SUGCT: variants seen among roughly 807,000 people sequenced by gnomAD.
The protein encoded by SUGCT is succinyl-CoA:glutarate-CoA transferase.
SUGCT carries 41 observed loss-of-function variants against 55.0 expected under a neutral mutation model. That is an observed-to-expected ratio of 0.74 (90% confidence interval 0.58 to 0.97). The LOEUF (loss-of-function observed/expected upper bound fraction) is 0.97, where lower values mean the gene tolerates loss of function less well. SUGCT is among the 50% of genes least tolerant of loss of function. The pLI is 0.00. For missense variants in SUGCT, 568 were observed against 547.8 expected (o/e 1.04, Z -0.37); for synonymous variants, 187 against 200.4 (o/e 0.93, Z 0.56).
At chr7:40,812,273 T>C (rs1382048905) in intron 13 of SUGCT, among the ~76,000 whole-genome samples, 3 of 152,122 alleles carry the variant, frequency 2.0e-5, no homozygotes, top group Non-Finnish European at 2.9e-5. Flanking sequence ...ATTGATTTTT[T>C]GGGGATAGTT....
chr7:40,407,436 A>G (rs541828112), intron 9 of SUGCT, among the ~76,000 whole-genome samples: 1 of 152,162 alleles, frequency 6.6e-6, no homozygotes, highest in East Asian at 1.9e-4. Flanking sequence ...AAAGTTGATG[A>G]AAATATAAAA....
intron 1 of SUGCT, among the ~76,000 whole-genome samples, chr7:40,158,277 TTTAC>T (rs1165894462): frequency 2.0e-5 from 3 of 152,190 alleles, no homozygotes; most frequent in Non-Finnish European, 4.4e-5. Flanking sequence ...TTTATACATA[TTTAC>T]TTCTTTGTAG....
chr7:40,214,711 C>T (rs548570621), intron 6 of SUGCT, among the ~76,000 whole-genome samples: 170 of 152,002 alleles, frequency 1.1e-3, no homozygotes, highest in African/African-American at 3.7e-3. Flanking sequence ...GTCAGGAGTT[C>T]GAGACCAGCC....
intron 13 of SUGCT, among the ~76,000 whole-genome samples, chr7:40,851,866 A>G (rs1482063408): frequency 5.3e-5 from 8 of 152,144 alleles, no homozygotes; most frequent in Admixed American, 4.6e-4. Context: ...TTTTGATGCA[A>G]TGTATTTTGG....
intron 10 of SUGCT, among the ~76,000 whole-genome samples, chr7:40,450,165 C>T (rs1180654721): frequency 2.6e-5 from 4 of 151,900 alleles, no homozygotes; most frequent in Admixed American, 2.0e-4. Context: ...TGACCTCAAG[C>T]GACCTGCCCA....
At chr7:40,812,327 T>C (rs1791463476) in intron 13 of SUGCT, among the ~76,000 whole-genome samples, 1 of 152,160 alleles carries the variant, frequency 6.6e-6, no homozygotes, top group African/African-American at 2.4e-5. Context: ...TCAGGTAGAA[T>C]TCAGCTGTGA....
At chr7:40,531,798 C>T (rs986316500) in intron 12 of SUGCT, among the ~76,000 whole-genome samples, 32 of 151,704 alleles carry the variant, frequency 2.1e-4, no homozygotes, top group African/African-American at 6.5e-4. Context: ...CTCAGCCTCC[C>T]GAGTAGCGGG....
intron 9 of SUGCT, among the ~76,000 whole-genome samples, chr7:40,436,281 A>G (rs1308671990): frequency 6.6e-6 from 1 of 151,748 alleles, no homozygotes; most frequent in Non-Finnish European, 1.5e-5. Context: ...CAAATTTTCC[A>G]TACTCTGGGA....
At chr7:40,484,530 C>A (rs1791228187) in intron 11 of SUGCT, among the ~76,000 whole-genome samples, 1 of 152,068 alleles carries the variant, frequency 6.6e-6, no homozygotes, top group South Asian at 2.1e-4. Context: ...TTGTTAATAT[C>A]TAATGAGTCT....
intron 13 of SUGCT, among the ~76,000 whole-genome samples, chr7:40,751,873 G>C (rs1233400404): frequency 6.6e-6 from 1 of 152,146 alleles, no homozygotes; most frequent in Non-Finnish European, 1.5e-5. Flanking sequence ...ACTCATTGGA[G>C]GTAACACTCT....
the SUGCT span, among the ~76,000 whole-genome samples, chr7:40,995,930 A>G: frequency 6.6e-6 from 1 of 152,186 alleles, no homozygotes; most frequent in Admixed American, 6.5e-5. Context: ...GCAAAGTCAT[A>G]AAATCACTTT....
chr7:40,252,916 G>A (rs1790530795), intron 7 of SUGCT, among the ~76,000 whole-genome samples: 1 of 152,162 alleles, frequency 6.6e-6, no homozygotes, highest in Admixed American at 6.5e-5. Flanking sequence ...TAAAGTGCTG[G>A]GATTACAGGT....
chr7:41,024,205 A>AT, the SUGCT span, among the ~76,000 whole-genome samples: 2 of 152,224 alleles, frequency 1.3e-5, no homozygotes, highest in South Asian at 4.1e-4. Flanking sequence ...GTTCCAAAGG[A>AT]TTAAAGGCAT....
At chr7:40,791,112 C>G (rs955157086) in intron 13 of SUGCT, among the ~76,000 whole-genome samples, 4 of 152,168 alleles carry the variant, frequency 2.6e-5, no homozygotes, top group African/African-American at 9.6e-5. Flanking sequence ...TAAACTTTCT[C>G]TATCAGACAT....
chr7:40,445,086 G>A (rs1260323742), intron 9 of SUGCT, among the ~76,000 whole-genome samples: 1 of 152,070 alleles, frequency 6.6e-6, no homozygotes, highest in Non-Finnish European at 1.5e-5. Context: ...ACTTGATCAT[G>A]GTGGATAAGC....
chr7:40,394,973 G>T (rs558097713), intron 9 of SUGCT, among the ~76,000 whole-genome samples: 1 of 152,272 alleles, frequency 6.6e-6, no homozygotes, highest in African/African-American at 2.4e-5. Context: ...AATAATGTAA[G>T]AAAGCTTTTA....
intron 12 of SUGCT, chr7:40,684,149 C>G: frequency 6.3e-7 from 1 of 1,582,400 alleles, no homozygotes; most frequent in Non-Finnish European, 8.6e-7. Flanking sequence ...TTGAGCCCTT[C>G]TCTTACTACA....
intron 12 of SUGCT, among the ~76,000 whole-genome samples, chr7:40,724,263 A>G (rs990045955): frequency 6.6e-6 from 1 of 152,140 alleles, no homozygotes. Context: ...ATCTGACCCT[A>G]TTTGTGTCTA....
At chr7:40,838,981 C>T (rs181769554) in intron 13 of SUGCT, among the ~76,000 whole-genome samples, 2 of 144,502 alleles carry the variant, frequency 1.4e-5, no homozygotes, top group Admixed American at 7.0e-5. Context: ...TGTTGTATTA[C>T]ATCTAATACC....
Sources: allele counts gnomAD v4.1 joint callset (sites outside exome capture counted in the v4.1 genomes callset), GRCh38; gene constraint gnomAD v4.1.1; transcripts MANE v1.5; gene names NCBI Gene and HGNC (gene_info 2026-07-23, HGNC 2026-07-21).